The following RIC3 variants were observed in gnomAD, a reference collection of about 807,000 sequenced individuals.
RIC3 encodes RIC3 acetylcholine receptor chaperone.
In RIC3, 28 loss-of-function variants were observed where a neutral mutation model predicts 27.3. That is an observed-to-expected ratio of 1.02 (90% CI 0.76 to 1.41). The LOEUF is 1.41. RIC3 is among the 40% of genes most tolerant of loss of function. The pLI is 0.00. For missense variants in RIC3, 501 were observed against 444.7 expected (o/e 1.13, Z -1.14); for synonymous variants, 184 against 160.4 (o/e 1.15, Z -1.11).
chr11:8,152,684 T>C (rs969636380), intron 1 of RIC3, among the ~76,000 whole-genome samples: 17 of 152,160 alleles, frequency 1.1e-4, no homozygotes, highest in African/African-American at 4.1e-4. Flanking sequence ...ACTCTACGAA[T>C]ATACTAAAAA....
At chr11:8,097,476 T>C in the RIC3 span, 4 of 1,610,378 alleles carry the variant, frequency 2.5e-6, no homozygotes, top group African/African-American at 5.3e-5. Context: ...CCCTTTGAAA[T>C]CCTAGGGGCT....
chr11:8,127,011 C>G (rs896086678), intron 4 of RIC3: 4 of 624,082 alleles, frequency 6.4e-6, no homozygotes, highest in Admixed American at 2.8e-5. Flanking sequence ...AAAATTAAAG[C>G]CCAGAATAGA....
At chr11:8,141,902 T>C (rs890484150) in intron 1 of RIC3, among the ~76,000 whole-genome samples, 14 of 151,810 alleles carry the variant, frequency 9.2e-5, no homozygotes, top group African/African-American at 3.1e-4. Context: ...ACATGGAAAC[T>C]GAACAACCTG....
chr11:8,095,619 C>T, the RIC3 span: 40 of 1,611,110 alleles, frequency 2.5e-5, no homozygotes, highest in South Asian at 5.5e-5. Flanking sequence ...CTGGTGGGGG[C>T]GAACGGCCCA....
the RIC3 span, chr11:8,097,585 G>A: frequency 1.5e-6 from 2 of 1,315,888 alleles, no homozygotes; most frequent in Admixed American, 3.6e-5. Flanking sequence ...GTTTTCCAGT[G>A]CATTTGTGTG....
Position 8,139,153 on chromosome 11 carries a change from T to A in RIC3, c.352-806A>T, listed in dbSNP as rs566243703. On this transcript the variant is annotated intron_variant, in intron 2 of 5. Coordinates refer to ENST00000309737, the MANE Select transcript of RIC3 (RefSeq NM_001206671.4). ...AAGGGAAAAAAAATCTCCCTACAGGTCATCTTCCTTGCTCATGCTCATCTA... is the reference window on the plus strand; with the variant it reads ...AAGGGAAAAAAAATCTCCCTACAGGACATCTTCCTTGCTCATGCTCATCTA... The A allele has an allele frequency of 7.9e-5, 12 of 152,418 alleles. No individual in the cohort carries two copies. In the East Asian group the frequency reaches 1.2e-3, roughly 15 times the overall value. 9.4% of individuals were successfully genotyped at this position (152,418 alleles called of 1,614,324 possible).
At chr11:8,163,181 ACATAATCATCT>A (rs947334893) in intron 1 of RIC3, among the ~76,000 whole-genome samples, 4 of 152,056 alleles carry the variant, frequency 2.6e-5, no homozygotes, top group African/African-American at 4.8e-5. Context: ...GACAAAACTC[ACATAATCATCT>A]CATAATCATC....
intron 1 of RIC3, among the ~76,000 whole-genome samples, chr11:8,145,798 T>C (rs10769876): frequency 0.31 from 46,652 of 151,852 alleles, 7,340 homozygotes; most frequent in East Asian, 0.45. Context: ...GATAACATTA[T>C]AGAACAGAAA....
At chr11:8,119,137 G>C (rs557246122) in intron 5 of RIC3, among the ~76,000 whole-genome samples, 1 of 152,180 alleles carries the variant, frequency 6.6e-6, no homozygotes, top group African/African-American at 2.4e-5. Context: ...TTTAGCTGAA[G>C]AAAGCCTTGA....
chr11:8,101,856 G>GATTTGGCGA, downstream of RIC3: 3 of 482,852 alleles, frequency 6.2e-6, no homozygotes, highest in South Asian at 3.7e-5. Context: ...TTCTTTCCAT[G>GATTTGGCGA]CCACGAGATC....
Position 8,110,871 on chromosome 11 carries a change from G to T in RIC3, c.937C>A (p.Pro313Thr). ...CCAGCATTCTCTGCCAAGACAGCAGGATCCTCGTCTTCATGAAAACAGCAG... is the reference window on the plus strand; with the variant it reads ...CCAGCATTCTCTGCCAAGACAGCAGTATCCTCGTCTTCATGAAAACAGCAG... ...CSCCFHEDED[P>T]AVLAENAGFS... Residue 313 changes from proline (P) to threonine (T), a missense_variant, in exon 6 of 6, where the codon CCT (proline) becomes ACT (threonine). Transcript: ENST00000309737. 4 of 1,614,172 alleles carry T rather than the reference G, an allele frequency of 2.5e-6. No homozygotes were observed. The highest frequency in any genetic ancestry group is 1.3e-5 in the African/African-American group (1 of 75,022).
chr11:8,094,290 AC>A, the RIC3 span: 1 of 1,416,444 alleles, frequency 7.1e-7, no homozygotes, highest in Non-Finnish European at 9.5e-7. Flanking sequence ...GATAGGATGA[AC>A]AGCCTCAGGG....
At chr11:8,096,719 G>A in the RIC3 span, 1 of 1,613,354 alleles carries the variant, frequency 6.2e-7, no homozygotes, top group South Asian at 1.1e-5. Context: ...ACGAGGATGA[G>A]GAGGATGAGG....
At chr11:8,154,328 A>C (rs541326462) in intron 1 of RIC3, among the ~76,000 whole-genome samples, 7 of 152,236 alleles carry the variant, frequency 4.6e-5, no homozygotes, top group Non-Finnish European at 7.3e-5. Flanking sequence ...ACAATATATA[A>C]GCATCTATAA....
Position 8,164,399 on chromosome 11 carries a change from T to C in RIC3, c.124+4467A>G, listed in dbSNP as rs59664427. Among the ~76,000 whole-genome samples the C allele has an allele frequency of 2.6e-3, 397 of 152,252 alleles. 2 individuals are homozygous for C. Among genetic ancestry groups the C allele is most frequent in the African/African-American group, 9.2e-3 (384 of 41,524 alleles). ...CCATCAAGAACGTGAAGGCAACCAC[T>C]GAATGGAAGAAAATATTTGCAAATC... On this transcript the variant is annotated intron_variant, in intron 1 of 5. Transcript: ENST00000309737.
chr11:8,146,612 G>A (rs960874820), intron 1 of RIC3, among the ~76,000 whole-genome samples: 3 of 152,032 alleles, frequency 2.0e-5, no homozygotes, highest in Non-Finnish European at 4.4e-5. Context: ...GAGGTCCTGA[G>A]AACACGTACC....
At chr11:8,093,668 C>G in the RIC3 span, among the ~76,000 whole-genome samples, 1 of 152,190 alleles carries the variant, frequency 6.6e-6, no homozygotes, top group Non-Finnish European at 1.5e-5. Context: ...GAAGATGCAG[C>G]CTTTGTTCTT....
At chr11:8,140,624 C>T (rs1948944547) in intron 1 of RIC3, among the ~76,000 whole-genome samples, 1 of 152,230 alleles carries the variant, frequency 6.6e-6, no homozygotes, top group African/African-American at 2.4e-5. Context: ...AGCAAAGCCT[C>T]CATCAACCTG....
intron 1 of RIC3, among the ~76,000 whole-genome samples, chr11:8,145,827 AAC>A (rs1449566369): frequency 1.3e-5 from 2 of 152,186 alleles, no homozygotes; most frequent in Admixed American, 6.5e-5. Flanking sequence ...GAGCATAAAT[AAC>A]ACTCTAAATA....
Sources: allele counts gnomAD v4.1 joint callset (sites outside exome capture counted in the v4.1 genomes callset), GRCh38; gene constraint gnomAD v4.1.1; transcripts MANE v1.5; gene names NCBI Gene and HGNC (gene_info 2026-07-23, HGNC 2026-07-21).